FOXP2: variants seen among roughly 807,000 people sequenced by gnomAD.
FOXP2 encodes forkhead box protein P2.
In FOXP2, 12 loss-of-function variants were observed where a neutral mutation model predicts 115.8. The observed-to-expected ratio is 0.10, with a 90% confidence interval of 0.07 to 0.17. The LOEUF (loss-of-function observed/expected upper bound fraction) is 0.17, where lower values mean the gene tolerates loss of function less well. FOXP2 is among the 10% of genes least tolerant of loss of function. FOXP2 has a pLI of 1.00. For missense variants in FOXP2, 629 were observed against 843.5 expected, an observed-to-expected ratio of 0.75 and a Z score of 3.15; for synonymous variants, 328 against 297.7, an observed-to-expected ratio of 1.10 and a Z score of -1.05.
At chr7:114,504,154 T>G (rs1208714496) in intron 2 of FOXP2, among the ~76,000 whole-genome samples, 4 of 151,732 alleles carry the variant, frequency 2.6e-5, no homozygotes, top group Non-Finnish European at 5.9e-5. Context: ...ATTTTTACTG[T>G]AATCTATAAA....
intron 1 of FOXP2, among the ~76,000 whole-genome samples, chr7:114,252,704 T>C (rs1795484687): frequency 1.3e-5 from 2 of 152,198 alleles, no homozygotes. Flanking sequence ...TTAGTCTCGC[T>C]AGCGTTCTAT....
rs952725728 is a variant in FOXP2 at position 114,372,725 on chromosome 7, T to TTTTTG, written c.-10-53758_-10-53754dup. On this transcript the variant is annotated intron_variant, in intron 2 of 17. Coordinates refer to the FOXP2 transcript ENST00000634411. Reference sequence around the variant, plus strand: ...TCACTGTTAGGGTTTTTTTTTGGTTTTTTTGTTTTGTTTTGTTTTGTTTCC... The same window carrying TTTTTG: ...TCACTGTTAGGGTTTTTTTTTGGTTTTTTTGTTTTGTTTTGTTTTGTTTTGTTTCC... Among the ~76,000 whole-genome samples the TTTTTG allele has an allele frequency of 7.2e-5, 11 of 152,094 alleles. 1 individual carries two copies. The highest frequency in any genetic ancestry group is 2.0e-4 in the Admixed American group (3 of 15,274).
At chr7:114,471,919 T>G (rs953057770) in intron 2 of FOXP2, among the ~76,000 whole-genome samples, 1 of 150,020 alleles carries the variant, frequency 6.7e-6, no homozygotes, top group Non-Finnish European at 1.5e-5. Flanking sequence ...GAGATTGCAC[T>G]GCTGCACTCC....
At chr7:114,138,077 G>A (rs1792090684) in intron 1 of FOXP2, among the ~76,000 whole-genome samples, 1 of 152,082 alleles carries the variant, frequency 6.6e-6, no homozygotes, top group Non-Finnish European at 1.5e-5. Flanking sequence ...AAATACCCAT[G>A]AGCCCATATT....
chr7:114,642,816 T>A lies in FOXP2; in HGVS notation c.989+193T>A, dbSNP rs1229740626. 1.2e-4 allele frequency among the ~76,000 whole-genome samples: 14 copies of A among 120,756 alleles called. No individual in the cohort carries two copies. The East Asian group carries it at 1.9e-3, about 16-fold the overall frequency. 79.2% of individuals were successfully genotyped at this position (120,756 alleles called of 152,430 possible). On this transcript the variant is annotated intron_variant, in intron 7 of 16. Transcript: ENST00000350908. ...TATATATATATATATATATATATTT[T>A]TTTTTTTTTTTAGGCAGAGTCTTGC...
intron 12 of FOXP2, 59 bp from the exon 13 acceptor site, chr7:114,659,513 C>A: frequency 1.3e-6 from 2 of 1,578,018 alleles, no homozygotes; most frequent in Non-Finnish European, 1.7e-6. Flanking sequence ...GAGAAAGTGT[C>A]ATCTAGTCTA....
intron 1 of FOXP2, among the ~76,000 whole-genome samples, chr7:114,164,587 G>C (rs552967371): frequency 6.6e-6 from 1 of 151,880 alleles, no homozygotes; most frequent in Non-Finnish European, 1.5e-5. Context: ...TGATCCGCCC[G>C]CCTCAGCCTC....
chr7:114,488,210 G>A (rs1411798855), intron 2 of FOXP2, among the ~76,000 whole-genome samples: 2 of 152,090 alleles, frequency 1.3e-5, no homozygotes, highest in African/African-American at 4.8e-5. Flanking sequence ...CAGATCTAGT[G>A]AGATTTATTC....
At chr7:114,639,600 G>T (rs1023416051) in intron 6 of FOXP2, among the ~76,000 whole-genome samples, 3 of 152,072 alleles carry the variant, frequency 2.0e-5, no homozygotes, top group African/African-American at 7.2e-5. Flanking sequence ...TTGATAGTAT[G>T]GTTGGAAACT....
At chr7:114,482,545 T>G (rs1379628707) in intron 2 of FOXP2, among the ~76,000 whole-genome samples, 1 of 151,558 alleles carries the variant, frequency 6.6e-6, no homozygotes, top group Admixed American at 6.6e-5. Flanking sequence ...AAAAAAAGAA[T>G]ACACCAACAT....
chr7:114,641,358 T>G (rs1805518123), intron 6 of FOXP2, among the ~76,000 whole-genome samples: 1 of 152,226 alleles, frequency 6.6e-6, no homozygotes, highest in African/African-American at 2.4e-5. Flanking sequence ...CTTTTCTATT[T>G]TTATTGTTGT....
At chr7:114,563,896 C>T (rs906382126) in intron 3 of FOXP2, among the ~76,000 whole-genome samples, 1 of 151,766 alleles carries the variant, frequency 6.6e-6, no homozygotes. Flanking sequence ...CTCAGGTAAT[C>T]GTCAAATCCT....
chr7:114,510,963 C>G (rs975365895), intron 2 of FOXP2, among the ~76,000 whole-genome samples: 5 of 152,140 alleles, frequency 3.3e-5, no homozygotes, highest in Non-Finnish European at 7.4e-5. Context: ...CCCAAATGCC[C>G]ATCAATGATA....
chr7:114,683,019 A>G (rs1211342068), intron 16 of FOXP2, among the ~76,000 whole-genome samples: 1 of 152,156 alleles, frequency 6.6e-6, no homozygotes, highest in Non-Finnish European at 1.5e-5. Context: ...AGCATTAATA[A>G]TTATTGACTT....
chr7:114,177,448 T>C (rs1793346324), intron 1 of FOXP2, among the ~76,000 whole-genome samples: 1 of 152,138 alleles, frequency 6.6e-6, no homozygotes, highest in Non-Finnish European at 1.5e-5. Context: ...TGTTTTTAAC[T>C]GCTCTATAAC....
intron 3 of FOXP2, among the ~76,000 whole-genome samples, chr7:114,585,483 A>G (rs1031418245): frequency 6.6e-6 from 1 of 151,884 alleles, no homozygotes; most frequent in African/African-American, 2.4e-5. Flanking sequence ...CCACACACCT[A>G]CTGAATTACA....
At chr7:114,552,335 A>T (rs1207054145) in intron 3 of FOXP2, among the ~76,000 whole-genome samples, 1 of 152,170 alleles carries the variant, frequency 6.6e-6, no homozygotes, top group Non-Finnish European at 1.5e-5. Flanking sequence ...CCATTTACTG[A>T]CTGTATGACC....
At chr7:114,536,787 T>C (rs1311208980) in intron 3 of FOXP2, among the ~76,000 whole-genome samples, 1 of 151,502 alleles carries the variant, frequency 6.6e-6, no homozygotes, top group African/African-American at 2.4e-5. Flanking sequence ...TGAGATCTCA[T>C]GCCAAAATGT....
chr7:114,555,671 C>T (rs1322785276), intron 3 of FOXP2, among the ~76,000 whole-genome samples: 3 of 152,268 alleles, frequency 2.0e-5, no homozygotes, highest in Non-Finnish European at 2.9e-5. Flanking sequence ...GTGTTACATG[C>T]CTGTCATCCC....
Sources: allele counts gnomAD v4.1 joint callset (sites outside exome capture counted in the v4.1 genomes callset), GRCh38; gene constraint gnomAD v4.1.1; transcripts MANE v1.5; gene names NCBI Gene and HGNC (gene_info 2026-07-23, HGNC 2026-07-21).